The following TGFBR2 variants were observed in gnomAD, a reference collection of about 807,000 sequenced individuals.
The protein encoded by TGFBR2 is TGF-beta receptor type-2.
Under a neutral mutation model 49.0 loss-of-function variants are expected in TGFBR2, and 18 were observed. The ratio of observed to expected loss-of-function variants is 0.37; its 90% CI spans 0.25 to 0.54. The LOEUF is 0.54. TGFBR2 is among the 20% of genes least tolerant of loss of function. The pLI is 0.85. For synonymous variants in TGFBR2, 282 were observed against 275.9 expected (o/e 1.02, Z -0.22); for missense variants, 525 against 722.6 (o/e 0.73, Z 3.13).
intron 1 of TGFBR2, among the ~76,000 whole-genome samples, chr3:30,636,492 T>G (rs1322118957): frequency 6.6e-6 from 1 of 152,188 alleles, no homozygotes; most frequent in Non-Finnish European, 1.5e-5. Flanking sequence ...GAAAGCTGCA[T>G]GCATCTGCCA....
At chr3:30,641,383 G>C (rs1029792158) in intron 1 of TGFBR2, among the ~76,000 whole-genome samples, 1 of 152,150 alleles carries the variant, frequency 6.6e-6, no homozygotes, top group Non-Finnish European at 1.5e-5. Flanking sequence ...TAGAGGAAAA[G>C]AATACTGGTT....
chr3:30,666,527 C>T (rs1020142081), intron 3 of TGFBR2, among the ~76,000 whole-genome samples: 3 of 152,080 alleles, frequency 2.0e-5, no homozygotes, highest in Non-Finnish European at 2.9e-5. Flanking sequence ...CAATGTCAGT[C>T]GGTGGATGGC....
intron 2 of TGFBR2, among the ~76,000 whole-genome samples, chr3:30,649,827 G>A (rs13092349): frequency 0.15 from 23,544 of 152,110 alleles, 2,084 homozygotes; most frequent in East Asian, 0.38. Context: ...AGTATAGCTA[G>A]ACAGGACAGA....
At chr3:30,677,873 TG>T (rs2125442558) in intron 5 of TGFBR2, among the ~76,000 whole-genome samples, 1 of 152,338 alleles carries the variant, frequency 6.6e-6, no homozygotes, top group Admixed American at 6.5e-5. Flanking sequence ...CATGCAGATA[TG>T]TTTCTTATCT....
chr3:30,611,229 G>A (rs1021573277), intron 1 of TGFBR2, among the ~76,000 whole-genome samples: 1 of 152,180 alleles, frequency 6.6e-6, no homozygotes, highest in African/African-American at 2.4e-5. Flanking sequence ...GCTGAGCTGA[G>A]CCTCCACTTC....
chr3:30,691,156 C>T (rs1033743964), intron 6 of TGFBR2, among the ~76,000 whole-genome samples: 1 of 152,180 alleles, frequency 6.6e-6, no homozygotes, highest in African/African-American at 2.4e-5. Context: ...ATTGTGCTGT[C>T]AGGACCTATT....
At chr3:30,633,025 A>G (rs1253455380) in intron 1 of TGFBR2, among the ~76,000 whole-genome samples, 1 of 152,160 alleles carries the variant, frequency 6.6e-6, no homozygotes, top group East Asian at 1.9e-4. Context: ...TAGTAGTCAC[A>G]CCTGTGTCTT....
chr3:30,610,310 A>G (rs1322246723), intron 1 of TGFBR2, among the ~76,000 whole-genome samples: 1 of 106,354 alleles, frequency 9.4e-6, no homozygotes, highest in Admixed American at 1.2e-4. Context: ...TCTACACCTC[A>G]TTTTCAAAAG....
At chr3:30,608,020 A>G (rs1330579844) in intron 1 of TGFBR2, among the ~76,000 whole-genome samples, 1 of 150,464 alleles carries the variant, frequency 6.6e-6, no homozygotes, top group Non-Finnish European at 1.5e-5. Flanking sequence ...GGCTCACTGC[A>G]ACTTTGCCTC....
intron 2 of TGFBR2, among the ~76,000 whole-genome samples, chr3:30,646,007 T>C (rs2125405842): frequency 6.6e-6 from 1 of 152,358 alleles, no homozygotes; most frequent in East Asian, 1.9e-4. Flanking sequence ...AATTCATTAA[T>C]GAGATATGAC....
intron 1 of TGFBR2, among the ~76,000 whole-genome samples, chr3:30,618,021 A>C (rs891685459): frequency 6.6e-6 from 1 of 152,194 alleles, no homozygotes; most frequent in Non-Finnish European, 1.5e-5. Flanking sequence ...GAGTTGGCTT[A>C]GTTTTATGAG....
At chr3:30,686,123 T>A (rs1311893194) in intron 5 of TGFBR2, among the ~76,000 whole-genome samples, 5 of 152,354 alleles carry the variant, frequency 3.3e-5, no homozygotes, top group African/African-American at 1.2e-4. Context: ...GAACCAGATC[T>A]GATTCTCAGT....
chr3:30,634,664 A>C (rs942860866), intron 1 of TGFBR2, among the ~76,000 whole-genome samples: 5 of 152,192 alleles, frequency 3.3e-5, no homozygotes, highest in Non-Finnish European at 1.5e-5. Flanking sequence ...CCATTTACCA[A>C]TGTTTTGACC....
chr3:30,648,569 A>G lies in TGFBR2; in HGVS notation c.264-1701A>G, dbSNP rs548918241. ...AGATGGGTAGATTTCCAAATTATAC[A>G]TCATTTGTTGTATGATCATGCCAAC... On this transcript the variant is annotated intron_variant, in intron 2 of 6. Coordinates refer to ENST00000295754, the MANE Select transcript of TGFBR2 (RefSeq NM_003242.6). 3.9e-5 allele frequency among the ~76,000 whole-genome samples: 6 copies of G among 152,188 alleles called. No individual in the cohort carries two copies. In the East Asian group the frequency reaches 1.2e-3, roughly 29 times the overall value.
intron 2 of TGFBR2, among the ~76,000 whole-genome samples, chr3:30,647,364 T>C (rs1279925417): frequency 1.3e-5 from 2 of 152,192 alleles, no homozygotes; most frequent in Non-Finnish European, 2.9e-5. Context: ...TTCTGTGCAA[T>C]ACTGTTGCCT....
At chr3:30,629,787 A>G (rs1295601344) in intron 1 of TGFBR2, among the ~76,000 whole-genome samples, 3 of 152,232 alleles carry the variant, frequency 2.0e-5, no homozygotes, top group Non-Finnish European at 4.4e-5. Context: ...ATGTCAGCAG[A>G]TAAGTACAGC....
chr3:30,615,908 T>A (rs1340847254), intron 1 of TGFBR2, among the ~76,000 whole-genome samples: 1 of 151,924 alleles, frequency 6.6e-6, no homozygotes, highest in African/African-American at 2.4e-5. Flanking sequence ...TTGTTTTTTG[T>A]TGTTTTTTAA....
In TGFBR2 at chr3:30,683,681, C is replaced by T. The variant is rs1223336368; in HGVS notation, c.1397-4703C>T. Among the ~76,000 whole-genome samples, 5 of 152,168 alleles carry T rather than the reference C, an allele frequency of 3.3e-5. No homozygotes were observed. The East Asian group carries it at 9.6e-4, about 29-fold the overall frequency. ...TTCCAAAATAAAAATATTTTAAGCA[C>T]CATCATGAAAAATAAATAAGATACA... On this transcript the variant is annotated intron_variant, in intron 5 of 6. Coordinates refer to ENST00000295754, the MANE Select transcript of TGFBR2 (RefSeq NM_003242.6).
chr3:30,672,524 A>C lies in TGFBR2; in HGVS notation c.1254+87A>C. 2.1e-6 allele frequency: 3 copies of C among 1,406,264 alleles called. No individual in the cohort carries two copies. Among genetic ancestry groups the C allele is most frequent in the Non-Finnish European group, 3.0e-6 (3 of 992,772 alleles). 87.1% of individuals were successfully genotyped at this position (1,406,264 alleles called of 1,614,324 possible). A position where few individuals can be genotyped will look rare whatever the true frequency, so the allele number is the denominator to read the frequency against. ...TCCATATCTCCTGGCTCTTATCTCA[A>C]ACAGCCCTGTACTCTGGACACTGGT... is the stretch of plus-strand genomic sequence containing the variant. On this transcript the variant is annotated intron_variant, in intron 4 of 6. Coordinates refer to ENST00000295754, the MANE Select transcript of TGFBR2 (RefSeq NM_003242.6). This position sits in a 1 kb window ranked among gnomAD's most constrained non-coding sequence, Gnocchi z 4.5.
Sources: allele counts gnomAD v4.1 joint callset (sites outside exome capture counted in the v4.1 genomes callset), GRCh38; gene constraint gnomAD v4.1.1; non-coding constraint Gnocchi (gnomAD v3.1); transcripts MANE v1.5; gene names NCBI Gene and HGNC (gene_info 2026-07-23, HGNC 2026-07-21).